GRM7: variants seen among roughly 807,000 people sequenced by gnomAD.
The protein encoded by GRM7 is glutamate metabotropic receptor 7, also known as metabotropic glutamate receptor 7.
In GRM7, 35 loss-of-function variants were observed where a neutral mutation model predicts 84.5. The observed-to-expected ratio is 0.41, with a 90% CI of 0.32 to 0.55. The LOEUF (loss-of-function observed/expected upper bound fraction) is 0.55. Among genes scored for constraint, GRM7 ranks in the 20% least tolerant of loss-of-function variants. GRM7 has a pLI of 0.19. For synonymous variants in GRM7, 487 were observed against 455.1 expected (o/e 1.07, Z -0.89); for missense variants, 1,003 against 1,194.6 (o/e 0.84, Z 2.36).
At position 7,592,425 on chromosome 3, in the gene GRM7, A is replaced by G. The variant is rs150357906; in HGVS notation, c.2451+13068A>G. ...GAAGAGCATTCTGGGTAGAGAGACCAGCAGGTGCTGAGGCAGAAGCATGTC... is the reference window on the plus strand; with the variant it reads ...GAAGAGCATTCTGGGTAGAGAGACCGGCAGGTGCTGAGGCAGAAGCATGTC... On this transcript the variant is annotated intron_variant, in intron 8 of 9. Coordinates refer to ENST00000357716, the MANE Select transcript of GRM7 (RefSeq NM_000844.4). Among the ~76,000 whole-genome samples the G allele has an allele frequency of 1.8e-4, 27 of 152,320 alleles. No individual in the cohort carries two copies. In the East Asian group the frequency reaches 5.0e-3, roughly 28 times the overall value.
intron 4 of GRM7, among the ~76,000 whole-genome samples, chr3:7,410,584 T>A (rs56316423): frequency 0.039 from 3,814 of 98,072 alleles, 198 homozygotes; most frequent in African/African-American, 0.13. Flanking sequence ...AAAAACAAAA[T>A]ATATATATAT....
intron 2 of GRM7, among the ~76,000 whole-genome samples, chr3:7,178,504 C>T (rs902846453): frequency 6.6e-6 from 1 of 152,112 alleles, no homozygotes; most frequent in Non-Finnish European, 1.5e-5. Context: ...TCCTTGCACA[C>T]CTCAGCTCAC....
At chr3:6,974,897 T>C (rs561400345) in intron 1 of GRM7, among the ~76,000 whole-genome samples, 6 of 152,174 alleles carry the variant, frequency 3.9e-5, no homozygotes, top group African/African-American at 9.6e-5. Context: ...GGAGGAGATA[T>C]AGAATAAATA....
intron 7 of GRM7, among the ~76,000 whole-genome samples, chr3:7,513,768 TAGAGA>T (rs1468031370): frequency 2.0e-5 from 3 of 152,170 alleles, no homozygotes; most frequent in Admixed American, 2.0e-4. Context: ...TTTAAAAAAT[TAGAGA>T]AGAACATCAG....
At chr3:7,383,149 G>A (rs888753805) in intron 4 of GRM7, among the ~76,000 whole-genome samples, 2 of 152,140 alleles carry the variant, frequency 1.3e-5, no homozygotes, top group South Asian at 2.1e-4. Context: ...AGGAAATATC[G>A]TATTCTCTTC....
chr3:7,407,823 G>A (rs942979844), intron 4 of GRM7, among the ~76,000 whole-genome samples: 8 of 152,196 alleles, frequency 5.3e-5, no homozygotes, highest in Non-Finnish European at 1.2e-4. Flanking sequence ...ACTGCAAAGC[G>A]AGGCTTTTCA....
intron 1 of GRM7, among the ~76,000 whole-genome samples, chr3:7,023,066 T>C (rs988718995): frequency 1.3e-5 from 2 of 152,026 alleles, no homozygotes; most frequent in African/African-American, 4.8e-5. Context: ...GCAGATATCA[T>C]GAGAAGGCGA....
rs374841343 is a variant in GRM7 at position 7,394,420 on chromosome 3, C to T, written c.1034-20603C>T. Among the ~76,000 whole-genome samples, 133 of 152,238 alleles carry T rather than the reference C, an allele frequency of 8.7e-4. 4 individuals carry two copies. The South Asian group carries it at 0.026, about 30-fold the overall frequency. ...TCTGGCCTGGCCACTGAAAGAGAAA[C>T]TTGATGTCACCTTGTTTGCCACTGA... is the stretch of plus-strand genomic sequence containing the variant. On this transcript the variant is annotated intron_variant, in intron 4 of 9. Transcript: ENST00000357716.
chr3:7,460,499 A>T (rs1227772584), intron 6 of GRM7, among the ~76,000 whole-genome samples: 2 of 152,172 alleles, frequency 1.3e-5, no homozygotes, highest in African/African-American at 2.4e-5. Context: ...CAATGGCTGA[A>T]TCTGTGTGTG....
chr3:7,085,909 C>A (rs1698441124), intron 1 of GRM7, among the ~76,000 whole-genome samples: 1 of 151,930 alleles, frequency 6.6e-6, no homozygotes, highest in African/African-American at 2.4e-5. Flanking sequence ...TTGTGAATAG[C>A]TCTAAAAACA....
intron 8 of GRM7, among the ~76,000 whole-genome samples, chr3:7,646,541 C>G (rs893877801): frequency 2.6e-5 from 4 of 152,214 alleles, no homozygotes; most frequent in African/African-American, 7.2e-5. Flanking sequence ...CCTGTCAGGT[C>G]CAATACTGAA....
chr3:7,583,273 A>C (rs957631488), intron 8 of GRM7, among the ~76,000 whole-genome samples: 5 of 152,200 alleles, frequency 3.3e-5, no homozygotes, highest in Non-Finnish European at 7.4e-5. Context: ...GGGGCTGAGA[A>C]TATCGACCAA....
chr3:7,510,851 T>C (rs909534069), intron 7 of GRM7, among the ~76,000 whole-genome samples: 2 of 152,206 alleles, frequency 1.3e-5, no homozygotes, highest in African/African-American at 4.8e-5. Context: ...TTTGTTTACA[T>C]ATTTTCTATG....
At chr3:6,933,839 A>T (rs1458935933) in intron 1 of GRM7, among the ~76,000 whole-genome samples, 1 of 152,130 alleles carries the variant, frequency 6.6e-6, no homozygotes, top group African/African-American at 2.4e-5. Flanking sequence ...GGAAAGAATA[A>T]ACCAGAATAG....
chr3:6,876,470 T>G (rs1695307677), intron 1 of GRM7, among the ~76,000 whole-genome samples: 1 of 152,052 alleles, frequency 6.6e-6, no homozygotes, highest in Non-Finnish European at 1.5e-5. Context: ...GAATGTATGT[T>G]ATTATGACCC....
chr3:6,865,403 C>T (rs2124931334), intron 1 of GRM7, among the ~76,000 whole-genome samples: 1 of 152,180 alleles, frequency 6.6e-6, no homozygotes, highest in East Asian at 1.9e-4. Flanking sequence ...TCATTCAAAC[C>T]CTCTCCATTA....
At chr3:7,178,646 G>C (rs148040612) in intron 2 of GRM7, among the ~76,000 whole-genome samples, 1 of 152,230 alleles carries the variant, frequency 6.6e-6, no homozygotes, top group Non-Finnish European at 1.5e-5. Flanking sequence ...CTGTAGGAAA[G>C]GCAAAATTGC....
rs1368346730 is a variant in GRM7, at chr3:6,861,285, C to T, written c.-104C>T. ...CCCCACCCTCCGTGCCTGCAGGAGC[C>T]CCTGGGCTTTCCCGGAGGAGCTCGC... On this transcript the variant is annotated 5_prime_UTR_variant, in exon 1 of 10. Transcript: ENST00000357716. The surrounding 1 kb of genome is among the most constrained non-coding windows in gnomAD (Gnocchi z 6.4). 6.8e-6 allele frequency: 7 copies of T among 1,024,276 alleles called. No individual in the cohort carries two copies. The highest frequency in any genetic ancestry group is 9.2e-6 in the Non-Finnish European group (7 of 758,804). 63.4% of individuals were successfully genotyped at this position (1,024,276 alleles called of 1,614,324 possible).
At chr3:7,697,633 G>A (rs1451617870) in intron 9 of GRM7, among the ~76,000 whole-genome samples, 2 of 152,274 alleles carry the variant, frequency 1.3e-5, no homozygotes, top group South Asian at 2.1e-4. Flanking sequence ...GCAGTGAGTC[G>A]CCACTTGTCA....
Sources: gnomAD v4.1 joint callset for allele counts (sites outside exome capture counted in the v4.1 genomes callset) on GRCh38, gnomAD v4.1.1 for gene constraint, Gnocchi (gnomAD v3.1) non-coding constraint, MANE v1.5 for transcripts, NCBI Gene and HGNC (gene_info 2026-07-23, HGNC 2026-07-21) for gene names.